SUN5: variants seen among roughly 807,000 people sequenced by gnomAD.
SUN5 encodes SUN domain-containing protein 5.
Under a neutral mutation model 53.7 loss-of-function variants are expected in SUN5, and 44 were observed. That is an observed-to-expected ratio of 0.82 (90% CI 0.64 to 1.05). The LOEUF (loss-of-function observed/expected upper bound fraction) is 1.05. SUN5 is among the 50% of genes least tolerant of loss of function. The pLI is 0.00. For missense variants in SUN5, 433 were observed against 483.8 expected (o/e 0.90, Z 0.98); for synonymous variants, 166 against 179.8 (o/e 0.92, Z 0.62).
intron 4 of SUN5, 77 bp downstream of exon 4, chr20:33,001,135 C>G (rs551523349): frequency 6.7e-7 from 1 of 1,498,746 alleles, no homozygotes; most frequent in East Asian, 2.5e-5. Context: ...GAGATCCAAA[C>G]TGATGGAGGG....
intron 11 of SUN5, 141 bp downstream of exon 11, chr20:32,985,595 C>T: frequency 9.4e-7 from 1 of 1,068,290 alleles, no homozygotes; most frequent in Non-Finnish European, 1.3e-6. Context: ...CAGCGCTGGC[C>T]ACTTCCAGCC....
chr20:32,985,589 G>A (rs921490866), intron 11 of SUN5, 147 bp downstream of exon 11: 15 of 975,854 alleles, frequency 1.5e-5, no homozygotes, highest in Middle Eastern at 3.3e-4. Flanking sequence ...GGACCCCAGC[G>A]CTGGCCACTT....
At chr20:32,984,969 G>GC in intron 12 of SUN5, 130 bp downstream of exon 12, 1 of 922,856 alleles carries the variant, frequency 1.1e-6, no homozygotes, top group Non-Finnish European at 1.7e-6. Flanking sequence ...CAGTTTCCTT[G>GC]CCTGTCAAAC....
intron 3 of SUN5, among the ~76,000 whole-genome samples, chr20:33,001,529 T>TCTTTCTTTCTTC (rs1460109201): frequency 1.5e-5 from 2 of 133,440 alleles, no homozygotes; most frequent in African/African-American, 7.4e-5. Context: ...CTTCTTTCTT[T>TCTTTCTTTCTTC]CTTTCTTTCT....
At position 33,001,869 on chromosome 20, in the gene SUN5, G is replaced by A. The variant is rs563832572; in HGVS notation, c.212-591C>T. Among the ~76,000 whole-genome samples the A allele has an allele frequency of 2.8e-4, 42 of 152,148 alleles. No homozygotes were observed. The Middle Eastern group carries it at 0.014, about 49-fold the overall frequency. ...GGGTTTCACTGTATTGGCCAGGTTGGTCTCAAACTCCTGACCTCGTGATCT... is the reference window on the plus strand; with the variant it reads ...GGGTTTCACTGTATTGGCCAGGTTGATCTCAAACTCCTGACCTCGTGATCT... On this transcript the variant is annotated intron_variant, in intron 3 of 12. Transcript: ENST00000356173.
At chr20:33,003,008 A>T (rs577031665) in intron 1 of SUN5, 89 bp from the exon 2 acceptor site, 6 of 1,468,266 alleles carry the variant, frequency 4.1e-6, no homozygotes, top group Non-Finnish European at 4.7e-6. Context: ...AGATTGGGAA[A>T]CTGAGGTACA....
chr20:32,994,758 G>A (rs1435605067), intron 8 of SUN5, among the ~76,000 whole-genome samples: 1 of 150,482 alleles, frequency 6.6e-6, no homozygotes, highest in East Asian at 2.0e-4. Context: ...AATTAGCTGA[G>A]CGTGGTAATG....
intron 1 of SUN5, among the ~76,000 whole-genome samples, chr20:33,003,286 G>T (rs1160184868): frequency 6.6e-6 from 1 of 152,220 alleles, no homozygotes; most frequent in African/African-American, 2.4e-5. Context: ...GAGGAAGTCT[G>T]CAGGGGTGAG....
chr20:33,002,929 A>G lies in SUN5; in HGVS notation c.78-10T>C. Reference sequence around the variant, plus strand: ...GCCTCGCTGGGCAATCCTGGGGATGATAAGATTCATAGTCGCATTTTACAA... The same window carrying G: ...GCCTCGCTGGGCAATCCTGGGGATGGTAAGATTCATAGTCGCATTTTACAA... On this transcript the variant is annotated splice_polypyrimidine_tract_variant and intron_variant, in intron 1 of 12. Transcript: ENST00000356173. 2 of 1,614,042 alleles carry G rather than the reference A, an allele frequency of 1.2e-6. No homozygotes were observed. Among genetic ancestry groups the G allele is most frequent in the South Asian group, 1.1e-5 (1 of 91,060 alleles).
intron 4 of SUN5, 68 bp from the exon 5 acceptor site, chr20:33,000,203 C>G (rs774115429): frequency 1.3e-6 from 2 of 1,515,296 alleles, no homozygotes; most frequent in South Asian, 1.3e-5. Context: ...CCCTCCTCCT[C>G]GTCACTCTCT....
chr20:33,001,127 G>A, intron 4 of SUN5, 85 bp downstream of exon 4: 1 of 1,452,358 alleles, frequency 6.9e-7, no homozygotes, highest in South Asian at 1.2e-5. Flanking sequence ...ACCAAGGGGA[G>A]ATCCAAACTG....
chr20:32,991,122 G>C (rs915943936), intron 8 of SUN5, among the ~76,000 whole-genome samples: 1 of 152,124 alleles, frequency 6.6e-6, no homozygotes, highest in African/African-American at 2.4e-5. Flanking sequence ...CAACCCTAAG[G>C]AATTTCCCTG....
At chr20:33,003,341 G>A (rs1990104971) in intron 1 of SUN5, among the ~76,000 whole-genome samples, 2 of 152,046 alleles carry the variant, frequency 1.3e-5, no homozygotes, top group South Asian at 4.2e-4. Context: ...GGACTTGGGG[G>A]AAAAGTTAGG....
At chr20:32,995,088 C>A (rs1334468543) in intron 8 of SUN5, among the ~76,000 whole-genome samples, 1 of 151,952 alleles carries the variant, frequency 6.6e-6, no homozygotes, top group Non-Finnish European at 1.5e-5. Flanking sequence ...TAATTAGAAT[C>A]CAAGGAAAGG....
chr20:32,998,828 C>A (rs1989921396), intron 5 of SUN5, among the ~76,000 whole-genome samples: 1 of 143,312 alleles, frequency 7.0e-6, no homozygotes. Context: ...CCAAACCGGG[C>A]AACACAACAA....
At chr20:33,001,678 C>G (rs902660874) in intron 3 of SUN5, among the ~76,000 whole-genome samples, 1 of 97,408 alleles carries the variant, frequency 1.0e-5, no homozygotes. Flanking sequence ...TTCCTTCCTT[C>G]TTTCCTTTTT....
intron 1 of SUN5, 47 bp from the exon 2 acceptor site, chr20:33,002,966 A>G (rs975734630): frequency 5.6e-6 from 9 of 1,607,526 alleles, no homozygotes; most frequent in East Asian, 2.2e-5. Flanking sequence ...TATGAGGAAC[A>G]TAGTGTCCTT....
At position 33,001,562 on chromosome 20, in the gene SUN5, C is replaced by CTTTCTTTCTTTCTTTCTTTCT. The variant is rs1555876523; in HGVS notation, c.212-285_212-284insAGAAAGAAAGAAAGAAAGAAA. ...TCTTTCTTTCTTTCTTTCTTTCTTTCTTTTCTTCCTTCCTTCCTTTCTTTC... is the reference window on the plus strand; with the variant it reads ...TCTTTCTTTCTTTCTTTCTTTCTTTCTTTCTTTCTTTCTTTCTTTCTTTTTCTTCCTTCCTTCCTTTCTTTC... On this transcript the variant is annotated intron_variant, in intron 3 of 12. Coordinates refer to ENST00000356173, the MANE Select transcript of SUN5 (RefSeq NM_080675.4). Among the ~76,000 whole-genome samples the CTTTCTTTCTTTCTTTCTTTCT allele has an allele frequency of 5.1e-3, 497 of 98,146 alleles. 5 individuals are homozygous for CTTTCTTTCTTTCTTTCTTTCT. The highest frequency in any genetic ancestry group is 0.021 in the African/African-American group (465 of 21,988). The allele number at this position is 98,146 out of a possible 152,430, so 64.4% of individuals were successfully genotyped here. A position where few individuals can be genotyped will look rare whatever the true frequency, so the allele number is the denominator to read the frequency against.
intron 8 of SUN5, among the ~76,000 whole-genome samples, chr20:32,991,926 C>G (rs1989720264): frequency 6.6e-6 from 1 of 152,176 alleles, no homozygotes; most frequent in African/African-American, 2.4e-5. Context: ...GAGGAGAAAA[C>G]CAGGCTGCTG....
Sources: gnomAD v4.1 joint callset for allele counts (sites outside exome capture counted in the v4.1 genomes callset) on GRCh38, gnomAD v4.1.1 for gene constraint, MANE v1.5 for transcripts, NCBI Gene and HGNC (gene_info 2026-07-23, HGNC 2026-07-21) for gene names.